The following RPS6KA3 variants were observed in gnomAD, a reference collection of about 807,000 sequenced individuals.
RPS6KA3 encodes the protein ribosomal protein S6 kinase alpha-3.
Under a neutral mutation model 67.2 loss-of-function variants are expected in RPS6KA3, and 4 were observed. The observed-to-expected ratio is 0.06, with a 90% CI of 0.03 to 0.14. RPS6KA3 has a LOEUF of 0.14. RPS6KA3 is among the 10% of genes least tolerant of loss of function. The pLI is 1.00. For missense variants in RPS6KA3, 204 were observed against 559.0 expected (o/e 0.36, Z 6.40); for synonymous variants, 182 against 183.7 (o/e 0.99, Z 0.07).
Position 20,234,801 on chromosome X carries a change from A to G in RPS6KA3, c.83T>C (p.Ile28Thr), listed in dbSNP as rs756013694. Residue 28 changes from isoleucine (I) to threonine (T), a missense_variant, in exon 2 of 22, where the codon ATT (isoleucine) becomes ACT (threonine). Around this residue, in one of 4 missense-constraint regions of RPS6KA3, gnomAD observed 31 missense variants for 42.5 expected, o/e 0.73. Transcript: ENST00000379565. ...CTCCTCTCCCATAGGTTCATCCATA[A>G]TTTGCTGTCCATTCTGTGAAAAGCA... ...PSDSAENGQQ[I>T]MDEPMGEEEI... 25 of 1,200,448 alleles carry G rather than the reference A, an allele frequency of 2.1e-5. No homozygotes were observed. In the Admixed American group the frequency reaches 2.4e-4, roughly 12 times the overall value.
At position 20,167,821 on chromosome X, in the gene RPS6KA3, G is replaced by A. The variant is rs66701778; in HGVS notation, c.1444-74C>T. 39,331 of 670,811 alleles carry A rather than the reference G, an allele frequency of 0.059. 5,947 individuals carry two copies. The highest frequency in any genetic ancestry group is 0.58 in the African/African-American group (26,297 of 45,168). The allele number at this position is 670,811 out of a possible 1,213,427, so 55.3% of individuals were successfully genotyped here. Reference sequence around the variant, plus strand: ...CCCAAAACGAAGTTTAAAATATAAAGGAAAAATTAAACTCACTTCATATTC... The same window carrying A: ...CCCAAAACGAAGTTTAAAATATAAAAGAAAAATTAAACTCACTTCATATTC... On this transcript the variant is annotated intron_variant, in intron 16 of 21. Coordinates refer to ENST00000379565, the MANE Select transcript of RPS6KA3 (RefSeq NM_004586.3).
At chrX:20,199,950 A>C (rs1569228095) in intron 4 of RPS6KA3, among the ~76,000 whole-genome samples, 1 of 112,476 alleles carries the variant, frequency 8.9e-6, no homozygotes, top group African/African-American at 3.2e-5. Context: ...GGTAGAATAA[A>C]GCCATTTCCA....
Position 20,188,480 on chromosome X carries a change from G to A in RPS6KA3, c.631+17C>T, listed in dbSNP as rs755347053. 1.6e-5 allele frequency: 15 copies of A among 934,710 alleles called. No homozygotes were observed. The highest frequency in any genetic ancestry group is 1.2e-4 in the Admixed American group (5 of 42,848). 77.0% of individuals were successfully genotyped at this position (934,710 alleles called of 1,213,427 possible). On this transcript the variant is annotated intron_variant, in intron 8 of 21. Coordinates refer to ENST00000379565, the MANE Select transcript of RPS6KA3 (RefSeq NM_004586.3). ...GTAGGAGAAAATATTTTAATAAAAC[G>A]AGGATTTTTTTTTTACCTGTTAACT...
chrX:20,188,284 C>T (rs565382534), intron 8 of RPS6KA3, among the ~76,000 whole-genome samples: 2 of 111,112 alleles, frequency 1.8e-5, no homozygotes, highest in South Asian at 7.7e-4. Flanking sequence ...CCATGTTAGC[C>T]AGGCTAGTCT....
At chrX:20,243,633 G>A (rs1367065232) in intron 1 of RPS6KA3, among the ~76,000 whole-genome samples, 1 of 109,981 alleles carries the variant, frequency 9.1e-6, no homozygotes, top group African/African-American at 3.3e-5. Flanking sequence ...CTACTGGTGC[G>A]TGCCACCACA....
chrX:20,207,713 C>T (rs1053223289), intron 3 of RPS6KA3, among the ~76,000 whole-genome samples: 8 of 111,699 alleles, frequency 7.2e-5, no homozygotes, highest in Non-Finnish European at 3.8e-5. Context: ...AATTGAAGTC[C>T]GGCTGACCTA....
At chrX:20,256,194 A>G (rs1281514112) in intron 1 of RPS6KA3, among the ~76,000 whole-genome samples, 3 of 104,510 alleles carry the variant, frequency 2.9e-5, no homozygotes, top group South Asian at 4.1e-4. Flanking sequence ...AAAAAAAAAA[A>G]AAAAAGAAAA....
At chrX:20,195,406 C>T (rs777162041) in intron 4 of RPS6KA3, among the ~76,000 whole-genome samples, 1 of 111,829 alleles carries the variant, frequency 8.9e-6, no homozygotes, top group Non-Finnish European at 1.9e-5. Context: ...GCTTTAACAT[C>T]AAATGCACAA....
intron 18 of RPS6KA3, among the ~76,000 whole-genome samples, chrX:20,163,737 T>G (rs1395569753): frequency 1.8e-5 from 2 of 110,923 alleles, no homozygotes; most frequent in African/African-American, 3.3e-5. Flanking sequence ...GGCGCGATCT[T>G]GGCTCACTGC....
intron 3 of RPS6KA3, among the ~76,000 whole-genome samples, chrX:20,204,777 G>A (rs2068534097): frequency 9.0e-6 from 1 of 111,106 alleles, no homozygotes; most frequent in Non-Finnish European, 1.9e-5. Flanking sequence ...GCTGGCACCT[G>A]TAATCCCAGC....
intron 1 of RPS6KA3, among the ~76,000 whole-genome samples, chrX:20,238,259 C>T (rs1458356778): frequency 9.0e-6 from 1 of 111,085 alleles, no homozygotes; most frequent in Non-Finnish European, 1.9e-5. Flanking sequence ...GTCATATTAT[C>T]TCCCTTGTCC....
At chrX:20,169,868 AC>A (rs1262756310) in intron 15 of RPS6KA3, among the ~76,000 whole-genome samples, 3 of 110,845 alleles carry the variant, frequency 2.7e-5, no homozygotes, top group African/African-American at 1.0e-4. Flanking sequence ...TCAACTTCTA[AC>A]CCCCCATCAA....
chrX:20,249,063 T>C (rs1265292485), intron 1 of RPS6KA3, among the ~76,000 whole-genome samples: 2 of 112,387 alleles, frequency 1.8e-5, no homozygotes, highest in African/African-American at 6.5e-5. Flanking sequence ...AAGAATGTCA[T>C]ATAAATCATA....
At chrX:20,201,162 ATCTCACTC>A (rs1176160345) in intron 4 of RPS6KA3, among the ~76,000 whole-genome samples, 1 of 110,335 alleles carries the variant, frequency 9.1e-6, no homozygotes, top group Non-Finnish European at 1.9e-5. Flanking sequence ...ACATGCATTC[ATCTCACTC>A]TGTCACCCAG....
intron 2 of RPS6KA3, among the ~76,000 whole-genome samples, chrX:20,217,572 C>G (rs1336694019): frequency 1.8e-5 from 2 of 112,170 alleles, no homozygotes; most frequent in African/African-American, 6.5e-5. Context: ...ATTACTGAAG[C>G]TTGAAGTAAA....
rs1218237640 is a variant in RPS6KA3 at position 20,203,922 on chromosome X, T to C, written c.325+100A>G. The stretch of plus-strand genomic sequence containing the variant: ...ATTTAAAGCTGGTAACAGGAACCTA[T>C]TCAGAATGTAAATAACATGCCAAGG... On this transcript the variant is annotated intron_variant, in intron 4 of 21. Coordinates refer to ENST00000379565, the MANE Select transcript of RPS6KA3 (RefSeq NM_004586.3). 20 of 635,658 alleles carry C rather than the reference T, an allele frequency of 3.1e-5. No individual in the cohort carries two copies. The East Asian group carries it at 6.5e-4, about 21-fold the overall frequency. 52.4% of individuals were successfully genotyped at this position (635,658 alleles called of 1,213,427 possible). A position where few individuals can be genotyped will look rare whatever the true frequency, so the allele number is the denominator to read the frequency against.
chrX:20,209,542 A>G, intron 2 of RPS6KA3, 138 bp from the exon 3 acceptor site: 1 of 455,655 alleles, frequency 2.2e-6, no homozygotes, highest in Non-Finnish European at 3.8e-6. Context: ...TAGAAATCCC[A>G]AATTAACATA....
intron 10 of RPS6KA3, among the ~76,000 whole-genome samples, chrX:20,179,386 T>C (rs1011256514): frequency 6.3e-5 from 7 of 110,839 alleles, no homozygotes; most frequent in Admixed American, 1.9e-4. Context: ...AGGGTAGTTA[T>C]AGGAAAGACT....
intron 1 of RPS6KA3, among the ~76,000 whole-genome samples, chrX:20,249,294 T>C (rs778432332): frequency 3.6e-5 from 4 of 112,271 alleles, no homozygotes; most frequent in Non-Finnish European, 7.5e-5. Flanking sequence ...GACTTTTATG[T>C]GGACATAAGT....
Sources: allele counts gnomAD v4.1 joint callset (sites outside exome capture counted in the v4.1 genomes callset), GRCh38; gene constraint gnomAD v4.1.1; regional missense constraint gnomAD v4.1.1; transcripts MANE v1.5; gene names NCBI Gene and HGNC (gene_info 2026-07-23, HGNC 2026-07-21).